SMARCC1: variants seen among roughly 807,000 people sequenced by gnomAD.
The protein encoded by SMARCC1 is SWI/SNF related BAF chromatin remodeling complex subunit C1, also known as SWI/SNF complex subunit SMARCC1.
A neutral mutation model predicts 147.4 loss-of-function variants in SMARCC1; 43 were observed. That is an observed-to-expected ratio of 0.29 (90% CI 0.23 to 0.38). The LOEUF is 0.38. Among genes scored for constraint, SMARCC1 ranks in the 10% least tolerant of loss-of-function variants. The pLI is 1.00. For missense variants in SMARCC1, 1,119 were observed against 1,381.1 expected (o/e 0.81, Z 3.01); for synonymous variants, 495 against 484.4 (o/e 1.02, Z -0.29).
chr3:47,632,432 C>A (rs2032905410), intron 24 of SMARCC1, among the ~76,000 whole-genome samples: 1 of 152,182 alleles, frequency 6.6e-6, no homozygotes, highest in African/African-American at 2.4e-5. Flanking sequence ...GCCACTGCAC[C>A]CAGCCTCATG....
intron 2 of SMARCC1, among the ~76,000 whole-genome samples, chr3:47,757,783 C>CAAA (rs60788109): frequency 9.4e-6 from 1 of 106,430 alleles, no homozygotes; most frequent in Non-Finnish European, 1.9e-5. Context: ...GGCTCCGTAT[C>CAAA]AAAAAAAAAA....
chr3:47,655,127 T>C (rs1240659850), intron 21 of SMARCC1, among the ~76,000 whole-genome samples: 1 of 152,232 alleles, frequency 6.6e-6, no homozygotes, highest in Non-Finnish European at 1.5e-5. Flanking sequence ...CTCACTGATA[T>C]CCACTTGAAC....
intron 25 of SMARCC1, among the ~76,000 whole-genome samples, chr3:47,618,477 GTT>G (rs769976569): frequency 6.6e-6 from 1 of 152,184 alleles, no homozygotes; most frequent in Admixed American, 6.5e-5. Context: ...AGCCCCAGGA[GTT>G]TGTGGCTGCA....
intron 25 of SMARCC1, among the ~76,000 whole-genome samples, chr3:47,620,336 G>A (rs1466139165): frequency 2.6e-5 from 4 of 152,070 alleles, no homozygotes; most frequent in Admixed American, 2.6e-4. Flanking sequence ...GGTGGCGCAC[G>A]CCTGTAATCC....
intron 3 of SMARCC1, among the ~76,000 whole-genome samples, chr3:47,743,784 G>A (rs1438064620): frequency 6.6e-6 from 1 of 150,696 alleles, no homozygotes; most frequent in African/African-American, 2.4e-5. Flanking sequence ...CTGCACTCCG[G>A]CCTGGGTGAC....
intron 13 of SMARCC1, among the ~76,000 whole-genome samples, chr3:47,688,268 A>G (rs1197435962): frequency 6.6e-6 from 1 of 150,780 alleles, no homozygotes; most frequent in African/African-American, 2.4e-5. Context: ...CTCAAAAAAC[A>G]AAACAAAAAG....
chr3:47,759,311 T>C (rs1292574731), intron 2 of SMARCC1, among the ~76,000 whole-genome samples: 4 of 150,878 alleles, frequency 2.7e-5, no homozygotes, highest in African/African-American at 4.9e-5. Flanking sequence ...CAGCATACAG[T>C]ACACTCTGTC....
rs1411213370 is a variant in SMARCC1, at chr3:47,586,544, C to T, written c.*1665G>A. On this transcript the variant is annotated 3_prime_UTR_variant, in exon 28 of 28. Coordinates refer to ENST00000254480, the MANE Select transcript of SMARCC1 (RefSeq NM_003074.4). ...CAGGGACACCTGGTTAGAGGCAAACCTGAGGGTTTGAAAGGCAAATCTCAA... is the reference window on the plus strand; with the variant it reads ...CAGGGACACCTGGTTAGAGGCAAACTTGAGGGTTTGAAAGGCAAATCTCAA... 1 of 152,612 alleles carries T rather than the reference C, an allele frequency of 6.6e-6. No homozygotes were observed. Among genetic ancestry groups the T allele is most frequent in the African/African-American group, 2.4e-5 (1 of 41,438 alleles). 9.5% of individuals were successfully genotyped at this position (152,612 alleles called of 1,614,324 possible).
chr3:47,754,221 T>TTG (rs2034661668), intron 2 of SMARCC1, among the ~76,000 whole-genome samples: 1 of 151,854 alleles, frequency 6.6e-6, no homozygotes, highest in Non-Finnish European at 1.5e-5. Flanking sequence ...TTTTTTTTTT[T>TTG]GAGACTGAGT....
Position 47,671,197 on chromosome 3 carries a change from A to AAAAAAAAAAAAAAAC in SMARCC1, c.1840-481_1840-480insGTTTTTTTTTTTTTT, listed in dbSNP as rs1157129603. On this transcript the variant is annotated intron_variant, in intron 18 of 27. Transcript: ENST00000254480. The stretch of plus-strand genomic sequence containing the variant: ...TCAAAAAAAAAAAAAAAAAAAAAAA[A>AAAAAAAAAAAAAAAC]ACACACACAAAAACCAAAACCAAAA... Among the ~76,000 whole-genome samples, 191 of 62,292 alleles carry AAAAAAAAAAAAAAAC rather than the reference A, an allele frequency of 3.1e-3. 4 individuals are homozygous for AAAAAAAAAAAAAAAC. Among genetic ancestry groups the AAAAAAAAAAAAAAAC allele is most frequent in the Non-Finnish European group, 5.5e-3 (133 of 24,400 alleles). 40.9% of individuals were successfully genotyped at this position (62,292 alleles called of 152,430 possible).
intron 2 of SMARCC1, among the ~76,000 whole-genome samples, chr3:47,753,244 G>A (rs892736354): frequency 6.7e-6 from 1 of 149,494 alleles, no homozygotes; most frequent in Non-Finnish European, 1.5e-5. Context: ...AGAATCACTT[G>A]AACCCAGGAG....
At chr3:47,609,293 G>A (rs544676254) in intron 26 of SMARCC1, among the ~76,000 whole-genome samples, 10 of 152,212 alleles carry the variant, frequency 6.6e-5, no homozygotes, top group East Asian at 5.8e-4. Context: ...TCAGGAGATC[G>A]AGACCATCCT....
chr3:47,703,269 G>A (rs1559649313), intron 10 of SMARCC1, among the ~76,000 whole-genome samples: 1 of 152,166 alleles, frequency 6.6e-6, no homozygotes, highest in East Asian at 1.9e-4. Context: ...GGGCATGGTG[G>A]CATGCACCTG....
intron 21 of SMARCC1, among the ~76,000 whole-genome samples, chr3:47,660,536 T>C (rs144276588): frequency 7.7e-6 from 1 of 129,636 alleles, no homozygotes; most frequent in East Asian, 2.3e-4. Flanking sequence ...CACAAAGAAA[T>C]AATCAGCACT....
At chr3:47,704,411 T>C (rs1162097490) in intron 10 of SMARCC1, among the ~76,000 whole-genome samples, 2 of 152,228 alleles carry the variant, frequency 1.3e-5, no homozygotes, top group Non-Finnish European at 2.9e-5. Flanking sequence ...ACATATATTT[T>C]AGAGAACTCA....
Position 47,733,929 on chromosome 3 carries a change from A to G in SMARCC1, c.576+2105T>C, listed in dbSNP as rs186699489. Among the ~76,000 whole-genome samples, 581 of 151,670 alleles carry G rather than the reference A, an allele frequency of 3.8e-3. 4 individuals carry two copies. Among genetic ancestry groups the G allele is most frequent in the African/African-American group, 0.013 (526 of 41,362 alleles). ...TACACACATATGTGCTTGTATATAC[A>G]TATATACAAGCACATATATACATGT... On this transcript the variant is annotated intron_variant, in intron 5 of 27. Transcript: ENST00000254480.
chr3:47,664,687 T>C (rs1029817587), intron 19 of SMARCC1, among the ~76,000 whole-genome samples: 41 of 152,292 alleles, frequency 2.7e-4, no homozygotes, highest in African/African-American at 8.9e-4. Context: ...TCCAGGACCA[T>C]GGTTCTCAAT....
chr3:47,673,951 CAGAAGA>C (rs778177707), intron 18 of SMARCC1, among the ~76,000 whole-genome samples: 7 of 152,172 alleles, frequency 4.6e-5, no homozygotes, highest in Non-Finnish European at 1.0e-4. Flanking sequence ...TGTGCCTGGC[CAGAAGA>C]TGTCTTTTAT....
Position 47,689,385 on chromosome 3 carries a change from AC to A in SMARCC1, c.1263+1del, listed in dbSNP as rs2033765264. On this transcript the variant is annotated splice_donor_variant, in intron 13 of 27. Transcript: ENST00000254480. LOFTEE classifies it high-confidence loss of function. ...TCACACCAGGCTTAACTGAATTGTT[AC>A]CTTTCCTCCTGCTGTGACTGTTTCT... 6.2e-7 allele frequency: 1 copy of A among 1,611,898 alleles called. No individual in the cohort carries two copies. Among genetic ancestry groups the A allele is most frequent in the Non-Finnish European group, 8.5e-7 (1 of 1,178,112 alleles).
Sources: gnomAD v4.1 joint callset for allele counts (sites outside exome capture counted in the v4.1 genomes callset) on GRCh38, gnomAD v4.1.1 for gene constraint, MANE v1.5 for transcripts, NCBI Gene and HGNC (gene_info 2026-07-23, HGNC 2026-07-21) for gene names.